HERC1: variants seen among roughly 807,000 people sequenced by gnomAD.
The protein encoded by HERC1 is probable E3 ubiquitin-protein ligase HERC1.
In HERC1, 160 loss-of-function variants were observed where a neutral mutation model predicts 554.3. The ratio of observed to expected loss-of-function variants is 0.29; its 90% confidence interval spans 0.25 to 0.33. HERC1 has a LOEUF of 0.33. Ranked by LOEUF, HERC1 falls within the 10% of genes least tolerant of loss-of-function variation. The pLI, the probability that HERC1 is intolerant of heterozygous loss-of-function variation, is 1.00. For synonymous variants in HERC1, 2,175 were observed against 2,131.7 expected (o/e 1.02, Z -0.56); for missense variants, 4,919 against 5,918.5 (o/e 0.83, Z 5.54).
chr15:63,709,361 A>C (rs2073178733), intron 24 of HERC1, among the ~76,000 whole-genome samples: 1 of 152,090 alleles, frequency 6.6e-6, no homozygotes, highest in African/African-American at 2.4e-5. Flanking sequence ...AATTTTCTAA[A>C]AACTAAGTGA....
In HERC1 at chr15:63,680,089, A is replaced by G. The variant is rs1171732171; in HGVS notation, c.6537T>C (p.Asn2179=). The change falls in exon 36 of 78, where the codon AAT becomes AAC. Residue 2179 remains asparagine (N), a synonymous_variant. Transcript: ENST00000443617. This position sits in a 1 kb window ranked among gnomAD's most constrained non-coding sequence, Gnocchi z 5.8. Reference sequence around the variant, plus strand: ...GAGACTTCATTACCTTTTCCCCTGGATTGCTACTATAGAACATCACACATG... The same window carrying G: ...GAGACTTCATTACCTTTTCCCCTGGGTTGCTACTATAGAACATCACACATG... ...LYPCVMFYSS[N]PGEKVKICDM... is the part of the protein sequence containing the mutation. The G allele has an allele frequency of 6.2e-7, 1 of 1,608,918 alleles. No individual in the cohort carries two copies. Among genetic ancestry groups the G allele is most frequent in the East Asian group, 2.2e-5 (1 of 44,768 alleles).
intron 18 of HERC1, among the ~76,000 whole-genome samples, chr15:63,723,765 G>A (rs895934261): frequency 2.6e-5 from 4 of 152,120 alleles, no homozygotes; most frequent in East Asian, 3.9e-4. Flanking sequence ...TTGAAAATGC[G>A]ACTAGACCTT....
rs773874311 is a variant in HERC1, at chr15:63,713,387, T to C, written c.4429A>G (p.Thr1477Ala). The change falls in exon 23 of 78, where the codon ACA becomes GCA. Residue 1477 changes from threonine to alanine, a missense_variant. Physicochemically the swap from Thr to Ala is moderately conservative, Grantham distance 58. Around this residue, in one of 11 missense-constraint regions of HERC1, gnomAD observed 1,121 missense variants for 1,244.0 expected, o/e 0.90. Coordinates refer to ENST00000443617, the MANE Select transcript of HERC1 (RefSeq NM_003922.4). ...AGTCCACCCCCTTCAGAGGCACTTG[T>C]TGAAGGTTGCTGCAACTGTCCTTCT... ...REEGQLQQPSTSASEGGGLMT... is the reference protein window; with the variant it reads ...REEGQLQQPSASASEGGGLMT... 45 of 1,614,016 alleles carry C rather than the reference T, an allele frequency of 2.8e-5. No individual in the cohort carries two copies. The highest frequency in any genetic ancestry group is 3.6e-5 in the Non-Finnish European group (42 of 1,179,870).
intron 1 of HERC1, among the ~76,000 whole-genome samples, chr15:63,805,965 C>CAGTTT (rs1341009018): frequency 7.6e-4 from 115 of 150,434 alleles, no homozygotes; most frequent in African/African-American, 2.8e-3. Context: ...AAAAAACAAA[C>CAGTTT]AAAACCCAAT....
intron 69 of HERC1, among the ~76,000 whole-genome samples, chr15:63,629,114 T>C (rs2068436397): frequency 6.6e-6 from 1 of 152,128 alleles, no homozygotes; most frequent in Admixed American, 6.5e-5. Flanking sequence ...CACACCTGGC[T>C]AATTTTTGTA....
intron 19 of HERC1, among the ~76,000 whole-genome samples, chr15:63,722,919 C>G (rs919701653): frequency 2.0e-5 from 3 of 152,062 alleles, no homozygotes; most frequent in African/African-American, 7.2e-5. Flanking sequence ...GACTACTATA[C>G]TTCAGTAAAA....
intron 53 of HERC1, 22 bp from the exon 54 acceptor site, chr15:63,649,947 C>G (rs2069582044): frequency 2.7e-6 from 4 of 1,507,750 alleles, no homozygotes; most frequent in South Asian, 1.2e-5. Flanking sequence ...AAAATGTTAA[C>G]TAGTTTTTAC....
chr15:63,739,768 G>A (rs929209144), intron 12 of HERC1, among the ~76,000 whole-genome samples: 5 of 152,032 alleles, frequency 3.3e-5, no homozygotes, highest in African/African-American at 1.2e-4. Flanking sequence ...AACCCAGGAC[G>A]TGGAGGTTAC....
chr15:63,791,367 G>A (rs898521667), intron 1 of HERC1, among the ~76,000 whole-genome samples: 4 of 152,082 alleles, frequency 2.6e-5, no homozygotes, highest in Non-Finnish European at 5.9e-5. Context: ...ATATATGTAC[G>A]TATACATATA....
At chr15:63,789,019 T>G (rs1269701382) in intron 1 of HERC1, among the ~76,000 whole-genome samples, 1 of 150,986 alleles carries the variant, frequency 6.6e-6, no homozygotes, top group Non-Finnish European at 1.5e-5. Flanking sequence ...AAAAGTAAAC[T>G]TGATAAAATG....
chr15:63,655,674 T>A (rs1293909797), intron 50 of HERC1, 68 bp downstream of exon 50: 1 of 1,105,146 alleles, frequency 9.0e-7, no homozygotes, highest in Non-Finnish European at 1.3e-6. Flanking sequence ...ATACTAACAA[T>A]GTAAAAACAT....
chr15:63,618,460 G>C (rs2067921898), intron 74 of HERC1, among the ~76,000 whole-genome samples: 2 of 151,736 alleles, frequency 1.3e-5, no homozygotes, highest in South Asian at 4.2e-4. Flanking sequence ...TTGTTCTTTT[G>C]GCTTAGGATT....
At chr15:63,827,295 AC>A (rs2077974209) in intron 1 of HERC1, among the ~76,000 whole-genome samples, 1 of 151,992 alleles carries the variant, frequency 6.6e-6, no homozygotes, top group South Asian at 2.1e-4. Context: ...AGCGGTGCAC[AC>A]TTGTAGTCCC....
In HERC1 at chr15:63,678,224, A is replaced by G; in HGVS notation, c.6691T>C (p.Tyr2231His). 1 of 1,613,864 alleles carries G rather than the reference A, an allele frequency of 6.2e-7. No individual in the cohort carries two copies. The highest frequency in any genetic ancestry group is 8.5e-7 in the Non-Finnish European group (1 of 1,179,822). The change falls in exon 37 of 78, where the codon TAC (tyrosine) becomes CAC (histidine). Residue 2231 changes from tyrosine (Y) to histidine (H), a missense_variant. Physicochemically the swap from Tyr to His is moderately conservative, Grantham distance 83. Around this residue, in one of 11 missense-constraint regions of HERC1, gnomAD observed 1,963 missense variants for 2,228.6 expected, o/e 0.88. Coordinates refer to ENST00000443617, the MANE Select transcript of HERC1 (RefSeq NM_003922.4). ...RILHRTDRWT[Y>H]CINKKMMERL... ...TCCATCATTTTTTTGTTAATGCAGTAAGTCCAACGGTCTGTTCGGTGAAGG... is the reference window on the plus strand; with the variant it reads ...TCCATCATTTTTTTGTTAATGCAGTGAGTCCAACGGTCTGTTCGGTGAAGG...
chr15:63,613,335 G>C (rs574595227), intron 76 of HERC1, among the ~76,000 whole-genome samples: 74 of 152,338 alleles, frequency 4.9e-4, no homozygotes, highest in Non-Finnish European at 8.2e-4. Flanking sequence ...AAGTTGGGGA[G>C]TGCCAAGTAG....
At chr15:63,673,193 C>T (rs901208595) in intron 38 of HERC1, among the ~76,000 whole-genome samples, 5 of 151,964 alleles carry the variant, frequency 3.3e-5, no homozygotes, top group Non-Finnish European at 5.9e-5. Flanking sequence ...GTTAACAACT[C>T]TAAAAGTTTA....
intron 27 of HERC1, among the ~76,000 whole-genome samples, chr15:63,695,249 C>T (rs1369143617): frequency 4.1e-5 from 6 of 145,918 alleles, no homozygotes; most frequent in Admixed American, 1.4e-4. Flanking sequence ...ATTGTCCAGG[C>T]GGGTTTTAAA....
rs1427114152 is a variant in HERC1 at position 63,727,975 on chromosome 15, C to G, written c.3155-137G>C. The G allele has an allele frequency of 7.9e-6, 5 of 629,002 alleles. No homozygotes were observed. In the African/African-American group the frequency reaches 9.2e-5, roughly 12 times the overall value. The allele number at this position is 629,002 out of a possible 1,614,324, so 39.0% of individuals were successfully genotyped here. On this transcript the variant is annotated intron_variant, in intron 16 of 77. Coordinates refer to ENST00000443617, the MANE Select transcript of HERC1 (RefSeq NM_003922.4). This position sits in a 1 kb window ranked among gnomAD's most constrained non-coding sequence, Gnocchi z 4.3. ...TCTCTGTTGAACACCTACCTGGTAG[C>G]TGATGTAGTATCAGTGTTTATTCAC...
chr15:63,621,399 C>T (rs1035355561), intron 74 of HERC1, among the ~76,000 whole-genome samples: 6 of 152,122 alleles, frequency 3.9e-5, no homozygotes, highest in East Asian at 1.9e-4. Flanking sequence ...GTGGGTAACC[C>T]GACCTTTCTC....
Sources: allele counts gnomAD v4.1 joint callset (sites outside exome capture counted in the v4.1 genomes callset), GRCh38; gene constraint gnomAD v4.1.1; regional missense constraint gnomAD v4.1.1; non-coding constraint Gnocchi (gnomAD v3.1); transcripts MANE v1.5; gene names NCBI Gene and HGNC (gene_info 2026-07-23, HGNC 2026-07-21).